FAM163A: variants seen among roughly 807,000 people sequenced by gnomAD.
The protein encoded by FAM163A is family with sequence similarity 163 member A.
FAM163A carries 7 observed loss-of-function variants against 12.0 expected under a neutral mutation model. That is an observed-to-expected ratio of 0.58 (90% confidence interval 0.33 to 1.10). FAM163A has a LOEUF of 1.10. FAM163A is among the 50% of genes least tolerant of loss of function. The probability of loss-of-function intolerance (pLI) is 0.03; values close to 1 mark genes in which losing one functional copy is unlikely to be tolerated. For missense variants in FAM163A, 202 were observed against 218.6 expected (o/e 0.92, Z 0.48); for synonymous variants, 101 against 91.0 (o/e 1.11, Z -0.62).
intron 1 of FAM163A, among the ~76,000 whole-genome samples, chr1:179,769,321 A>ATTTTT (rs10645895): frequency 1.4e-5 from 2 of 145,860 alleles, no homozygotes; most frequent in African/African-American, 5.0e-5. Context: ...AATTTTTTCA[A>ATTTTT]TTTTTTTTTT....
intron 1 of FAM163A, among the ~76,000 whole-genome samples, chr1:179,806,832 A>G (rs1694009047): frequency 6.6e-6 from 1 of 151,822 alleles, no homozygotes; most frequent in Non-Finnish European, 1.5e-5. Context: ...GGCCGGGCAT[A>G]GTGGTTCAAG....
intron 1 of FAM163A, among the ~76,000 whole-genome samples, chr1:179,793,169 A>G (rs1008330599): frequency 1.3e-5 from 2 of 152,102 alleles, no homozygotes; most frequent in African/African-American, 4.8e-5. Context: ...GGCAGGCTCA[A>G]CATCCCCAGT....
Position 179,814,024 on chromosome 1 carries a change from G to A in FAM163A, c.339G>A (p.Val113=), listed in dbSNP as rs1245347305. The change falls in exon 5 of 5, where the codon GTG becomes GTA. Residue 113 remains valine, a synonymous_variant. Transcript: ENST00000341785. Reference sequence around the variant, plus strand: ...TTTACATACGGACGGCTGACATGGTGCCCAATGGGGGTGGAGGCGAGAGGC... The same window carrying A: ...TTTACATACGGACGGCTGACATGGTACCCAATGGGGGTGGAGGCGAGAGGC... The part of the protein sequence containing the change: ...SPFYIRTADM[V]PNGGGGERLS... The A allele has an allele frequency of 3.1e-6, 5 of 1,613,230 alleles. No homozygotes were observed. The highest frequency in any genetic ancestry group is 4.2e-6 in the Non-Finnish European group (5 of 1,179,502).
chr1:179,752,476 C>CA lies in FAM163A; in HGVS notation c.-136+9071dup, dbSNP rs33926633. Reference sequence around the variant, plus strand: ...AAAACCATAAAAGCTTTTGTACAGCCAAAAAAAAAAAAAAAAAATCAATAG... The same window carrying CA: ...AAAACCATAAAAGCTTTTGTACAGCCAAAAAAAAAAAAAAAAAAATCAATAG... On this transcript the variant is annotated intron_variant, in intron 1 of 4. Transcript: ENST00000341785. Among the ~76,000 whole-genome samples, 671 of 127,970 alleles carry CA rather than the reference C, an allele frequency of 5.2e-3. 7 individuals carry two copies. Among genetic ancestry groups the CA allele is most frequent in the Non-Finnish European group, 7.2e-3 (430 of 59,844 alleles). The allele number at this position is 127,970 out of a possible 152,430, so 84.0% of individuals were successfully genotyped here.
upstream of FAM163A, among the ~76,000 whole-genome samples, chr1:179,740,696 G>A (rs1458031798): frequency 1.3e-5 from 2 of 152,084 alleles, no homozygotes; most frequent in African/African-American, 4.8e-5. Flanking sequence ...TTACATTTTG[G>A]AAATGGGAAA....
intron 1 of FAM163A, among the ~76,000 whole-genome samples, chr1:179,789,468 C>T (rs569442367): frequency 3.3e-5 from 5 of 152,362 alleles, no homozygotes; most frequent in East Asian, 1.9e-4. Context: ...AGGCGTGAGC[C>T]ACCGCCCCCG....
chr1:179,747,165 TG>T (rs764356995), intron 1 of FAM163A, among the ~76,000 whole-genome samples: 964 of 84,080 alleles, frequency 0.011, 12 homozygotes, highest in African/African-American at 0.053. Flanking sequence ...GAGAGATGCT[TG>T]GAAAAAAAAA....
At chr1:179,750,902 G>A (rs993881725) in intron 1 of FAM163A, among the ~76,000 whole-genome samples, 11 of 152,174 alleles carry the variant, frequency 7.2e-5, no homozygotes, top group African/African-American at 2.4e-4. Context: ...TGAGAAATTC[G>A]AGATGGTAAA....
intron 1 of FAM163A, among the ~76,000 whole-genome samples, chr1:179,776,561 T>C (rs1362708233): frequency 6.6e-6 from 1 of 151,656 alleles, no homozygotes; most frequent in African/African-American, 2.4e-5. Flanking sequence ...TGGCCACTTA[T>C]CCCCTCAGCC....
Position 179,813,774 on chromosome 1 carries a change from C to G in FAM163A, c.94-5C>G, listed in dbSNP as rs375661436. On this transcript the variant is annotated splice_region_variant and splice_polypyrimidine_tract_variant and intron_variant, in intron 4 of 4. Coordinates refer to ENST00000341785, the MANE Select transcript of FAM163A (RefSeq NM_173509.3). ...TCTCAGGCATCCCTCTGCCCTTCCGCACAGTATTACTGCTGCAAGAAGAGC... is the reference window on the plus strand; with the variant it reads ...TCTCAGGCATCCCTCTGCCCTTCCGGACAGTATTACTGCTGCAAGAAGAGC... The G allele has an allele frequency of 5.1e-5, 82 of 1,613,682 alleles. No homozygotes were observed. The highest frequency in any genetic ancestry group is 6.5e-5 in the Non-Finnish European group (77 of 1,180,008).
At chr1:179,792,099 T>C (rs1447015482) in intron 1 of FAM163A, among the ~76,000 whole-genome samples, 2 of 152,136 alleles carry the variant, frequency 1.3e-5, no homozygotes, top group African/African-American at 4.8e-5. Flanking sequence ...AGTTTCTCAA[T>C]CTCTCTGATC....
chr1:179,760,099 T>C lies in FAM163A; in HGVS notation c.-136+16676T>C, dbSNP rs999885531. On this transcript the variant is annotated intron_variant, in intron 1 of 4. Coordinates refer to ENST00000341785, the MANE Select transcript of FAM163A (RefSeq NM_173509.3). ...CATCTGTCTGCTGAGTGGCAGCCAG[T>C]TGGAAGATGGTTATGGCGGTCCAGG... Among the ~76,000 whole-genome samples the C allele has an allele frequency of 3.3e-5, 5 of 152,136 alleles. 1 individual carries two copies. The East Asian group carries it at 5.8e-4, about 18-fold the overall frequency.
At position 179,806,733 on chromosome 1, in the gene FAM163A, G is replaced by A. The variant is rs568630460; in HGVS notation, c.-135-1065G>A. The stretch of plus-strand genomic sequence containing the variant: ...CCAGGGCTGAGCATCACCCCTACAG[G>A]GCATCCCTCCTCTCCCTCCTTCTCT... On this transcript the variant is annotated intron_variant, in intron 1 of 4. Coordinates refer to ENST00000341785, the MANE Select transcript of FAM163A (RefSeq NM_173509.3). Among the ~76,000 whole-genome samples the A allele has an allele frequency of 1.5e-4, 23 of 152,322 alleles. 1 individual carries two copies. The South Asian group carries it at 4.8e-3, about 32-fold the overall frequency.
chr1:179,730,265 G>C, the FAM163A span: 10 of 152,366 alleles, frequency 6.6e-5, no homozygotes, highest in African/African-American at 2.4e-4. Flanking sequence ...TGAAGGCTAA[G>C]AAATGATTTC....
At chr1:179,790,655 T>A (rs1691334229) in intron 1 of FAM163A, among the ~76,000 whole-genome samples, 1 of 152,072 alleles carries the variant, frequency 6.6e-6, no homozygotes, top group African/African-American at 2.4e-5. Context: ...GATTAGGATT[T>A]TAGGATTAGG....
chr1:179,783,916 A>G (rs759987351), intron 1 of FAM163A, among the ~76,000 whole-genome samples: 10 of 151,398 alleles, frequency 6.6e-5, no homozygotes, highest in Non-Finnish European at 1.5e-4. Context: ...GATGGGATAC[A>G]CTAGTTGGCT....
At chr1:179,757,269 A>G (rs532584358) in intron 1 of FAM163A, among the ~76,000 whole-genome samples, 66 of 152,308 alleles carry the variant, frequency 4.3e-4, no homozygotes, top group African/African-American at 1.5e-3. Flanking sequence ...GAGAGGGGAA[A>G]GCACAGGCAG....
At chr1:179,812,855 AC>A (rs1694887744) in intron 3 of FAM163A, among the ~76,000 whole-genome samples, 1 of 152,104 alleles carries the variant, frequency 6.6e-6, no homozygotes, top group African/African-American at 2.4e-5. Flanking sequence ...GATCGTGAGA[AC>A]TTTTTGAAAC....
At chr1:179,793,147 C>A (rs1046819991) in intron 1 of FAM163A, among the ~76,000 whole-genome samples, 2 of 152,094 alleles carry the variant, frequency 1.3e-5, no homozygotes, top group African/African-American at 4.8e-5. Flanking sequence ...CTTTCTCTGA[C>A]AACTTCTCTT....
Sources: allele counts gnomAD v4.1 joint callset (sites outside exome capture counted in the v4.1 genomes callset), GRCh38; gene constraint gnomAD v4.1.1; transcripts MANE v1.5; gene names NCBI Gene and HGNC (gene_info 2026-07-23, HGNC 2026-07-21).